The following FMN1 variants were observed in gnomAD, a reference collection of about 807,000 sequenced individuals.
FMN1 encodes formin 1, also known as formin-1.
FMN1 carries 110 observed loss-of-function variants against 132.4 expected under a neutral mutation model. The ratio of observed to expected loss-of-function variants is 0.83; its 90% CI spans 0.71 to 0.97. The LOEUF (loss-of-function observed/expected upper bound fraction) is 0.97, where lower values mean the gene tolerates loss of function less well. FMN1 is among the 50% of genes least tolerant of loss of function. The pLI is 0.00. For synonymous variants in FMN1, 722 were observed against 651.7 expected (o/e 1.11, Z -1.64); for missense variants, 1,792 against 1,705.3 (o/e 1.05, Z -0.90).
At chr15:33,192,916 A>G (rs193244366) in intron 2 of FMN1, among the ~76,000 whole-genome samples, 2 of 152,342 alleles carry the variant, frequency 1.3e-5, no homozygotes, top group Non-Finnish European at 2.9e-5. Flanking sequence ...TTTACAGACG[A>G]GAAATTAAAA....
Position 32,851,007 on chromosome 15 carries a change from A to G in FMN1, c.3928+6008T>C, listed in dbSNP as rs553458111. On this transcript the variant is annotated intron_variant, in intron 17 of 20. Coordinates refer to ENST00000616417, the MANE Select transcript of FMN1 (RefSeq NM_001277313.2). ...CGGGAGGCAGAGCTTGCAGTGAGCC[A>G]AGATCGCGCCACTGCACTACAGCCT... Among the ~76,000 whole-genome samples the G allele has an allele frequency of 2.7e-3, 410 of 152,090 alleles. 4 individuals carry two copies. Among genetic ancestry groups the G allele is most frequent in the Non-Finnish European group, 4.8e-3 (326 of 68,010 alleles).
intron 17 of FMN1, among the ~76,000 whole-genome samples, chr15:32,855,598 G>A (rs978509310): frequency 1.3e-5 from 2 of 152,162 alleles, no homozygotes; most frequent in Non-Finnish European, 2.9e-5. Flanking sequence ...GCAGACGCAG[G>A]ATTCTAAGAG....
At chr15:32,965,356 T>G (rs1028832805) in intron 8 of FMN1, among the ~76,000 whole-genome samples, 1 of 152,060 alleles carries the variant, frequency 6.6e-6, no homozygotes, top group Non-Finnish European at 1.5e-5. Flanking sequence ...ACTGAGATTG[T>G]GCCACTGCAC....
intron 17 of FMN1, among the ~76,000 whole-genome samples, chr15:32,825,999 C>A (rs567016122): frequency 6.6e-6 from 1 of 152,312 alleles, no homozygotes; most frequent in East Asian, 1.9e-4. Context: ...GGTCAAACAA[C>A]AATGACACTG....
chr15:32,986,243 A>G (rs79959595), intron 7 of FMN1, among the ~76,000 whole-genome samples: 2,015 of 152,274 alleles, frequency 0.013, 17 homozygotes, highest in Middle Eastern at 0.041. Flanking sequence ...TTGAGGACAT[A>G]TAAGGGCTGA....
intron 4 of FMN1, chr15:33,106,375 T>C (rs1339453655): frequency 6.6e-6 from 1 of 151,970 alleles, no homozygotes; most frequent in Non-Finnish European, 1.5e-5. Context: ...TGTGGCCTTT[T>C]TTTTAAAGTC....
rs747738950 is a variant in FMN1, at chr15:32,968,780, G to A, written c.2921C>T (p.Pro974Leu). 1 of 1,613,258 alleles carries A rather than the reference G, an allele frequency of 6.2e-7. No individual in the cohort carries two copies. Among genetic ancestry groups the A allele is most frequent in the South Asian group, 1.1e-5 (1 of 90,982 alleles). Residue 974 changes from proline (P) to leucine (L), a missense_variant, in exon 8 of 21, where the codon CCA becomes CTA. By Grantham distance (98) the Pro-to-Leu change is moderately conservative (BLOSUM62 -3). Around this residue, in one of 3 missense-constraint regions of FMN1, gnomAD observed 1,150 missense variants for 1,043.1 expected, o/e 1.10. Coordinates refer to ENST00000616417, the MANE Select transcript of FMN1 (RefSeq NM_001277313.2). ...GSSSSQCPRK[P>L]AIEPSCPMKP... ...CATGGGACAACTGGGCTCGATGGCT[G>A]GTTTTCGAGGACATTGACTGGAAGA...
intron 9 of FMN1, among the ~76,000 whole-genome samples, chr15:32,930,760 A>T (rs1464160933): frequency 2.0e-5 from 3 of 152,050 alleles, no homozygotes; most frequent in Non-Finnish European, 4.4e-5. Context: ...ATATCCAGGA[A>T]ACAACTGCCA....
intron 4 of FMN1, 123 bp from the exon 5 acceptor site, chr15:33,089,097 A>G: frequency 1.3e-6 from 1 of 791,944 alleles, no homozygotes; most frequent in Non-Finnish European, 1.9e-6. Context: ...TTTCTAAGTT[A>G]TATTTTTAAG....
intron 7 of FMN1, among the ~76,000 whole-genome samples, chr15:33,007,353 CAG>C (rs1274274859): frequency 6.6e-6 from 1 of 152,166 alleles, no homozygotes; most frequent in African/African-American, 2.4e-5. Context: ...AAACAAGTCT[CAG>C]TGCCTGATTC....
At chr15:32,892,548 G>A (rs2060057012) in intron 15 of FMN1, among the ~76,000 whole-genome samples, 1 of 152,128 alleles carries the variant, frequency 6.6e-6, no homozygotes, top group African/African-American at 2.4e-5. Flanking sequence ...TCCTGATTTT[G>A]GTATTAGGGT....
intron 7 of FMN1, among the ~76,000 whole-genome samples, chr15:33,003,076 GAGCT>G (rs1419536568): frequency 1.3e-5 from 2 of 151,952 alleles, no homozygotes; most frequent in Non-Finnish European, 2.9e-5. Flanking sequence ...AAAATAGTAA[GAGCT>G]ATCTATCAAT....
At chr15:33,088,547 C>G (rs1221231971) in intron 5 of FMN1, among the ~76,000 whole-genome samples, 2 of 152,188 alleles carry the variant, frequency 1.3e-5, no homozygotes, top group Non-Finnish European at 2.9e-5. Flanking sequence ...AGCTAATGAA[C>G]AGAGCGCTCT....
chr15:33,192,224 G>A (rs145273517), intron 2 of FMN1, among the ~76,000 whole-genome samples: 118 of 152,318 alleles, frequency 7.7e-4, no homozygotes, highest in Non-Finnish European at 1.5e-3. Flanking sequence ...ATATGAGATA[G>A]GAGAGAAGCA....
intron 10 of FMN1, among the ~76,000 whole-genome samples, chr15:32,922,175 CTGTTGTAG>C (rs1293596312): frequency 2.0e-5 from 3 of 152,102 alleles, no homozygotes; most frequent in African/African-American, 7.2e-5. Context: ...ATCTTATGTG[CTGTTGTAG>C]TCATGACACC....
At chr15:33,126,438 G>A (rs769274023) in intron 4 of FMN1, among the ~76,000 whole-genome samples, 1 of 152,134 alleles carries the variant, frequency 6.6e-6, no homozygotes, top group Non-Finnish European at 1.5e-5. Context: ...GAGAAGGTGG[G>A]TGCAGAGGGC....
chr15:32,926,381 G>T (rs898400775), intron 9 of FMN1, 120 bp from the exon 10 acceptor site: 1 of 562,732 alleles, frequency 1.8e-6, no homozygotes, highest in Non-Finnish European at 3.1e-6. Flanking sequence ...AATTGATGCT[G>T]CATGCACTCT....
chr15:33,043,007 T>C (rs1224935984), intron 6 of FMN1, among the ~76,000 whole-genome samples: 2 of 152,104 alleles, frequency 1.3e-5, no homozygotes, highest in Non-Finnish European at 2.9e-5. Context: ...TATATTTAAA[T>C]ACAGACAGTC....
In FMN1 at chr15:33,019,474, C is replaced by T. The variant is rs536418577; in HGVS notation, c.2162-11399G>A. On this transcript the variant is annotated intron_variant, in intron 6 of 20. Coordinates refer to ENST00000616417, the MANE Select transcript of FMN1 (RefSeq NM_001277313.2). Reference sequence around the variant, plus strand: ...CAGGTGGAGCTGCCTGCCAGTCCCACGCCGTGCGACTCCTCAGCCCTTGGG... The same window carrying T: ...CAGGTGGAGCTGCCTGCCAGTCCCATGCCGTGCGACTCCTCAGCCCTTGGG... Among the ~76,000 whole-genome samples the T allele has an allele frequency of 1.4e-3, 209 of 152,338 alleles. 1 individual carries two copies. The highest frequency in any genetic ancestry group is 4.9e-3 in the African/African-American group (203 of 41,584).
Sources: gnomAD v4.1 joint callset for allele counts (sites outside exome capture counted in the v4.1 genomes callset) on GRCh38, gnomAD v4.1.1 for gene constraint, gnomAD v4.1.1 regional missense constraint, MANE v1.5 for transcripts, NCBI Gene and HGNC (gene_info 2026-07-23, HGNC 2026-07-21) for gene names.